The following MARCHF1 variants were observed in gnomAD, a reference collection of about 807,000 sequenced individuals.
MARCHF1 encodes the protein E3 ubiquitin-protein ligase MARCHF1.
A neutral mutation model predicts 54.2 loss-of-function variants in MARCHF1; 40 were observed. The observed-to-expected ratio is 0.74, with a 90% CI of 0.57 to 0.96. MARCHF1 has a LOEUF of 0.96. MARCHF1 is among the 40% of genes least tolerant of loss of function. MARCHF1 has a pLI of 0.00. For missense variants in MARCHF1, 586 were observed against 656.5 expected, an observed-to-expected ratio of 0.89 and a Z score of 1.17; for synonymous variants, 236 against 236.3, an observed-to-expected ratio of 1.00 and a Z score of 0.01.
intron 4 of MARCHF1, among the ~76,000 whole-genome samples, chr4:163,774,145 G>T (rs1028226848): frequency 6.6e-6 from 1 of 152,164 alleles, no homozygotes; most frequent in Middle Eastern, 3.4e-3. Flanking sequence ...CATATAACCT[G>T]TGCATATCCT....
rs910133804 is a variant in MARCHF1, at chr4:163,590,218, A to AT, written c.1011-4290dup. Among the ~76,000 whole-genome samples, 5 of 141,380 alleles carry AT rather than the reference A, an allele frequency of 3.5e-5. No homozygotes were observed. In the Admixed American group the frequency reaches 3.7e-4, roughly 11 times the overall value. 92.8% of individuals were successfully genotyped at this position (141,380 alleles called of 152,430 possible). ...GGTTTCCTGGCACTGGTAGAATCAT[A>AT]TTTTTTTCTTCATAAGTTTTTTTTT... On this transcript the variant is annotated intron_variant, in intron 7 of 9. Coordinates refer to ENST00000514618, the MANE Select transcript of MARCHF1 (RefSeq NM_001394959.1).
chr4:164,344,349 C>T (rs1730014707), intron 1 of MARCHF1, among the ~76,000 whole-genome samples: 1 of 152,034 alleles, frequency 6.6e-6, no homozygotes, highest in Non-Finnish European at 1.5e-5. Flanking sequence ...TGTAACAAAC[C>T]TCGATGTGTA....
Position 164,031,880 on chromosome 4 carries a change from TG to T in MARCHF1, c.-247-43172del, listed in dbSNP as rs568568584. Among the ~76,000 whole-genome samples, 484 of 152,308 alleles carry T rather than the reference TG, an allele frequency of 3.2e-3. 3 individuals are homozygous for T. Among genetic ancestry groups the T allele is most frequent in the African/African-American group, 0.011 (467 of 41,554 alleles). ...TAGGGAGGAGCCCTTCCTTTTCAAT[TG>T]TTTGGAAAAATTTCAGAAGGAATAG... is the stretch of plus-strand genomic sequence containing the variant. On this transcript the variant is annotated intron_variant, in intron 2 of 9. Coordinates refer to ENST00000514618, the MANE Select transcript of MARCHF1 (RefSeq NM_001394959.1).
chr4:164,351,001 C>T lies in MARCHF1; in HGVS notation c.-323+32869G>A, dbSNP rs183474720. Reference sequence around the variant, plus strand: ...CTTTCCGAGTCAAAGAAAGGGGTGACGGACGCACCTGGAAAATCGGGTTAC... The same window carrying T: ...CTTTCCGAGTCAAAGAAAGGGGTGATGGACGCACCTGGAAAATCGGGTTAC... On this transcript the variant is annotated intron_variant, in intron 1 of 9. Coordinates refer to ENST00000514618, the MANE Select transcript of MARCHF1 (RefSeq NM_001394959.1). Among the ~76,000 whole-genome samples, 1,255 of 152,048 alleles carry T rather than the reference C, an allele frequency of 8.3e-3. 22 individuals carry two copies. The highest frequency in any genetic ancestry group is 0.029 in the African/African-American group (1,187 of 41,510).
chr4:164,122,653 C>G (rs569181819), intron 1 of MARCHF1, among the ~76,000 whole-genome samples: 90 of 151,904 alleles, frequency 5.9e-4, no homozygotes, highest in African/African-American at 2.1e-3. Context: ...GGAGACCCCT[C>G]TCTCTCTCTA....
chr4:164,092,416 T>A (rs968700368), intron 2 of MARCHF1, among the ~76,000 whole-genome samples: 18 of 152,098 alleles, frequency 1.2e-4, no homozygotes, highest in African/African-American at 4.3e-4. Flanking sequence ...GCAGCTAGCC[T>A]GACAGAAGGT....
At chr4:163,723,164 A>G (rs948037883) in intron 4 of MARCHF1, among the ~76,000 whole-genome samples, 7 of 152,096 alleles carry the variant, frequency 4.6e-5, no homozygotes, top group African/African-American at 1.7e-4. Context: ...GGCTGGTACC[A>G]GTTGTTCTTT....
At chr4:163,832,844 G>T (rs186162137) in intron 4 of MARCHF1, among the ~76,000 whole-genome samples, 6,325 of 149,806 alleles carry the variant, frequency 0.042, 166 homozygotes, top group East Asian at 0.073. Context: ...GCGGTGTTTG[G>T]TTTTTTTGTC....
At chr4:163,958,028 T>C (rs1752265557) in intron 3 of MARCHF1, among the ~76,000 whole-genome samples, 1 of 152,054 alleles carries the variant, frequency 6.6e-6, no homozygotes, top group South Asian at 2.1e-4. Context: ...CGAAAGACTC[T>C]TCATATCTGT....
intron 1 of MARCHF1, among the ~76,000 whole-genome samples, chr4:164,157,732 T>A (rs1177002753): frequency 6.6e-6 from 1 of 152,148 alleles, no homozygotes; most frequent in Non-Finnish European, 1.5e-5. Flanking sequence ...CATGATCATC[T>A]TCTCAAAAAG....
intron 1 of MARCHF1, among the ~76,000 whole-genome samples, chr4:164,334,087 A>C (rs1198633182): frequency 2.0e-5 from 3 of 152,226 alleles, no homozygotes; most frequent in African/African-American, 2.4e-5. Flanking sequence ...TAAGGAAAGA[A>C]GCCATCTCCA....
At chr4:163,732,033 T>C (rs1482049180) in intron 4 of MARCHF1, among the ~76,000 whole-genome samples, 1 of 152,100 alleles carries the variant, frequency 6.6e-6, no homozygotes, top group Non-Finnish European at 1.5e-5. Context: ...TGGTGTCAAA[T>C]AAATAATTAC....
intron 1 of MARCHF1, among the ~76,000 whole-genome samples, chr4:164,371,844 A>T (rs1273283752): frequency 2.0e-5 from 3 of 152,220 alleles, no homozygotes; most frequent in African/African-American, 7.2e-5. Flanking sequence ...TTTTATTCTT[A>T]TTTAAGTACC....
At chr4:163,551,916 T>G (rs1177332908) in intron 8 of MARCHF1, among the ~76,000 whole-genome samples, 3 of 152,174 alleles carry the variant, frequency 2.0e-5, no homozygotes, top group African/African-American at 7.2e-5. Flanking sequence ...CTTCATAAAT[T>G]ACCCAGTCTC....
chr4:164,097,244 AAAG>A (rs1487630626), intron 2 of MARCHF1, among the ~76,000 whole-genome samples: 1 of 152,188 alleles, frequency 6.6e-6, no homozygotes, highest in Non-Finnish European at 1.5e-5. Context: ...TTGTGACACC[AAAG>A]AAGAGCTTCT....
In MARCHF1 at chr4:163,528,753, C is replaced by CTGAT; in HGVS notation, c.1629_1632dup (p.Val545IlefsTer42). 6.2e-7 allele frequency: 1 copy of CTGAT among 1,608,296 alleles called. No homozygotes were observed. The highest frequency in any genetic ancestry group is 8.5e-7 in the Non-Finnish European group (1 of 1,176,530). On this transcript the variant is annotated frameshift_variant, in exon 10 of 10. Coordinates refer to ENST00000514618, the MANE Select transcript of MARCHF1 (RefSeq NM_001394959.1). LOFTEE classifies it high-confidence loss of function. ...GAAACTCCCAACAGGTTCCATCAGA[C>CTGAT]TGATACAACTTCAGGGGGGCCACCC...
chr4:163,551,842 T>A (rs1355705724), intron 8 of MARCHF1, among the ~76,000 whole-genome samples: 2 of 152,208 alleles, frequency 1.3e-5, no homozygotes, highest in African/African-American at 2.4e-5. Context: ...TGCCTTTCAC[T>A]GTCTGCCATG....
intron 3 of MARCHF1, among the ~76,000 whole-genome samples, chr4:163,882,245 T>C (rs1350238141): frequency 6.6e-6 from 1 of 152,202 alleles, no homozygotes; most frequent in Non-Finnish European, 1.5e-5. Flanking sequence ...CTCTGGGATT[T>C]GGGGGTAATA....
At position 163,602,227 on chromosome 4, in the gene MARCHF1, C is replaced by T. The variant is rs933642362; in HGVS notation, c.1010+10044G>A. On this transcript the variant is annotated intron_variant, in intron 7 of 9. Transcript: ENST00000514618. ...ACAATGTGGTGTTATAAACATTTTACTTCTCTTTGTTGGAGAAATGCTTAC... is the reference window on the plus strand; with the variant it reads ...ACAATGTGGTGTTATAAACATTTTATTTCTCTTTGTTGGAGAAATGCTTAC... 4.6e-5 allele frequency among the ~76,000 whole-genome samples: 7 copies of T among 152,058 alleles called. No individual in the cohort carries two copies. In the East Asian group the frequency reaches 7.7e-4, roughly 17 times the overall value.
Sources: gnomAD v4.1 joint callset for allele counts (sites outside exome capture counted in the v4.1 genomes callset) on GRCh38, gnomAD v4.1.1 for gene constraint, MANE v1.5 for transcripts, NCBI Gene and HGNC (gene_info 2026-07-23, HGNC 2026-07-21) for gene names.